SLC6A15: variants seen among roughly 807,000 people sequenced by gnomAD.
SLC6A15 encodes the protein solute carrier family 6 member 15.
Under a neutral mutation model 68.5 loss-of-function variants are expected in SLC6A15, and 33 were observed. That is an observed-to-expected ratio of 0.48 (90% confidence interval 0.37 to 0.64). SLC6A15 has a LOEUF of 0.64. SLC6A15 is among the 30% of genes least tolerant of loss of function. The pLI is 0.00. For synonymous variants in SLC6A15, 347 were observed against 301.0 expected (o/e 1.15, Z -1.58); for missense variants, 747 against 874.3 (o/e 0.85, Z 1.84).
chr12:84,868,636 C>T lies in SLC6A15; in HGVS notation c.1496-1443G>A, dbSNP rs1422299925. 5.3e-5 allele frequency among the ~76,000 whole-genome samples: 8 copies of T among 152,130 alleles called. No individual in the cohort carries two copies. The South Asian group carries it at 1.7e-3, about 32-fold the overall frequency. Reference sequence around the variant, plus strand: ...CTTACTGCATAAAGAAGTAAACACACCTACCAAAGAAAATGAGGTAATATT... The same window carrying T: ...CTTACTGCATAAAGAAGTAAACACATCTACCAAAGAAAATGAGGTAATATT... On this transcript the variant is annotated intron_variant, in intron 9 of 11. Coordinates refer to ENST00000266682, the MANE Select transcript of SLC6A15 (RefSeq NM_182767.6).
intron 9 of SLC6A15, among the ~76,000 whole-genome samples, chr12:84,870,244 T>G (rs568652813): frequency 6.7e-6 from 1 of 150,316 alleles, no homozygotes; most frequent in East Asian, 1.9e-4. Flanking sequence ...ATATTTATTA[T>G]AAATGATAAA....
intron 2 of SLC6A15, among the ~76,000 whole-genome samples, chr12:84,888,881 CT>C (rs1213538544): frequency 1.3e-5 from 2 of 152,110 alleles, no homozygotes; most frequent in Non-Finnish European, 2.9e-5. Context: ...GTCTCCCACT[CT>C]TTTTTTGTCC....
intron 8 of SLC6A15, among the ~76,000 whole-genome samples, chr12:84,871,251 T>TA (rs1871273612): frequency 6.6e-6 from 1 of 151,650 alleles, no homozygotes; most frequent in South Asian, 2.1e-4. Flanking sequence ...AGCCAATTTT[T>TA]AATTTAAAAA....
chr12:84,880,599 A>G (rs942199091), intron 5 of SLC6A15, among the ~76,000 whole-genome samples: 2 of 152,210 alleles, frequency 1.3e-5, no homozygotes, highest in African/African-American at 4.8e-5. Context: ...ATATTTGCTC[A>G]AAATAATAAT....
chr12:84,899,613 G>A (rs900376483), intron 1 of SLC6A15, among the ~76,000 whole-genome samples: 1 of 152,004 alleles, frequency 6.6e-6, no homozygotes, highest in Non-Finnish European at 1.5e-5. Flanking sequence ...CTCTTATCCA[G>A]CATCACTTTC....
intron 3 of SLC6A15, 83 bp downstream of exon 3, chr12:84,885,828 A>G (rs1012729159): frequency 1.1e-4 from 154 of 1,344,434 alleles, no homozygotes; most frequent in Non-Finnish European, 1.4e-4. Context: ...ATTAACACAC[A>G]CTCCAAAGTT....
At chr12:84,897,708 G>A (rs192741608) in intron 1 of SLC6A15, among the ~76,000 whole-genome samples, 69 of 152,026 alleles carry the variant, frequency 4.5e-4, no homozygotes, top group Admixed American at 3.1e-3. Context: ...TTTGTATTCC[G>A]ATTATAAAAG....
chr12:84,900,980 GTATATATGTGTATAGATATGTATAT>G (rs1565732959), intron 1 of SLC6A15, among the ~76,000 whole-genome samples: 4 of 139,224 alleles, frequency 2.9e-5, no homozygotes, highest in Non-Finnish European at 4.6e-5. Context: ...ATATATACAT[GTATATATGTGTATAGATATGTATAT>G]ATATACATAC....
At chr12:84,903,441 A>C (rs1872983142) in intron 1 of SLC6A15, among the ~76,000 whole-genome samples, 1 of 152,212 alleles carries the variant, frequency 6.6e-6, no homozygotes, top group South Asian at 2.1e-4. Context: ...GAGAATAAAA[A>C]AAATTACTTC....
intron 9 of SLC6A15, among the ~76,000 whole-genome samples, chr12:84,868,940 A>G (rs1871172909): frequency 6.6e-6 from 1 of 152,204 alleles, no homozygotes; most frequent in African/African-American, 2.4e-5. Flanking sequence ...TTTTCATATT[A>G]AGTGGAAATC....
chr12:84,870,956 A>C (rs79265864), intron 8 of SLC6A15, among the ~76,000 whole-genome samples: 1 of 152,108 alleles, frequency 6.6e-6, no homozygotes, highest in Non-Finnish European at 1.5e-5. Context: ...TAGAATGAAA[A>C]ACTATATTAA....
At chr12:84,885,149 G>C (rs145846222) in intron 4 of SLC6A15, among the ~76,000 whole-genome samples, 1 of 151,784 alleles carries the variant, frequency 6.6e-6, no homozygotes, top group Admixed American at 6.6e-5. Context: ...ATCAATCAGG[G>C]CATACAAAAT....
At chr12:84,871,780 A>G (rs533361128) in intron 8 of SLC6A15, among the ~76,000 whole-genome samples, 1 of 152,256 alleles carries the variant, frequency 6.6e-6, no homozygotes, top group African/African-American at 2.4e-5. Flanking sequence ...TTTTCGACAT[A>G]CAGGAGACAG....
At chr12:84,904,322 T>C (rs1873036100) in intron 1 of SLC6A15, among the ~76,000 whole-genome samples, 1 of 151,370 alleles carries the variant, frequency 6.6e-6, no homozygotes, top group Non-Finnish European at 1.5e-5. Context: ...ATTCCAGCCC[T>C]AGCTGAACAG....
chr12:84,896,325 T>C (rs1299150731), intron 1 of SLC6A15, among the ~76,000 whole-genome samples: 1 of 151,748 alleles, frequency 6.6e-6, no homozygotes, highest in East Asian at 1.9e-4. Context: ...TCCATGCCCA[T>C]AAAATATTGC....
intron 1 of SLC6A15, chr12:84,912,101 C>G (rs1873495082): frequency 6.6e-6 from 1 of 152,380 alleles, no homozygotes; most frequent in Non-Finnish European, 1.5e-5. Context: ...CCTCGCGTCT[C>G]TCTCTGCCCC....
chr12:84,878,862 CACA>C (rs1871685139), intron 5 of SLC6A15, among the ~76,000 whole-genome samples: 1 of 147,568 alleles, frequency 6.8e-6, no homozygotes, highest in Non-Finnish European at 1.5e-5. Flanking sequence ...CTCTCAATAG[CACA>C]ACACCTTTCA....
intron 1 of SLC6A15, among the ~76,000 whole-genome samples, chr12:84,893,530 T>C (rs1872516473): frequency 1.3e-5 from 2 of 152,156 alleles, no homozygotes; most frequent in Non-Finnish European, 2.9e-5. Flanking sequence ...TGTTAAAATG[T>C]GACTGAAAAA....
chr12:84,867,191 T>C lies in SLC6A15; in HGVS notation c.1498A>G (p.Ile500Val). ...FKVRKEILTV[I>V]CCLLAFCIGL... ...ATACAAAATGCCAGAAGACAACAGATAACTAGACAAAAGAAATAAATGAAA... is the reference window on the plus strand; with the variant it reads ...ATACAAAATGCCAGAAGACAACAGACAACTAGACAAAAGAAATAAATGAAA... The change falls in exon 10 of 12, where the codon ATC (isoleucine) becomes GTC (valine). Residue 500 changes from isoleucine to valine, a missense_variant and splice_region_variant. Ile to Val is a conservative substitution (Grantham distance 29). Coordinates refer to ENST00000266682, the MANE Select transcript of SLC6A15 (RefSeq NM_182767.6). 5 of 1,582,164 alleles carry C rather than the reference T, an allele frequency of 3.2e-6. No individual in the cohort carries two copies. Among genetic ancestry groups the C allele is most frequent in the Non-Finnish European group, 4.3e-6 (5 of 1,167,346 alleles).
Sources: allele counts gnomAD v4.1 joint callset (sites outside exome capture counted in the v4.1 genomes callset), GRCh38; gene constraint gnomAD v4.1.1; transcripts MANE v1.5; gene names NCBI Gene and HGNC (gene_info 2026-07-23, HGNC 2026-07-21).